Variants in PRICKLE2 observed in about 807,000 individuals in gnomAD.
The protein encoded by PRICKLE2 is prickle planar cell polarity protein 2.
PRICKLE2 carries 21 observed loss-of-function variants against 81.4 expected under a neutral mutation model. The observed-to-expected ratio is 0.26, with a 90% CI of 0.18 to 0.37. The LOEUF is 0.37. Ranked by LOEUF, PRICKLE2 falls within the 10% of genes least tolerant of loss-of-function variation. The pLI, the probability that PRICKLE2 is intolerant of heterozygous loss-of-function variation, is 1.00. For missense variants in PRICKLE2, 940 were observed against 1,109.0 expected, an observed-to-expected ratio of 0.85 and a Z score of 2.16; for synonymous variants, 456 against 421.5, an observed-to-expected ratio of 1.08 and a Z score of -1.00.
intron 1 of PRICKLE2, among the ~76,000 whole-genome samples, chr3:64,216,698 G>A (rs920335634): frequency 3.3e-5 from 5 of 152,200 alleles, no homozygotes; most frequent in Non-Finnish European, 7.3e-5. Flanking sequence ...GCAGGTTCAA[G>A]CTTTCTGATC....
intron 2 of PRICKLE2, among the ~76,000 whole-genome samples, chr3:64,252,302 C>T (rs1166661942): frequency 6.6e-6 from 1 of 152,196 alleles, no homozygotes; most frequent in Non-Finnish European, 1.5e-5. Context: ...TATACCAACT[C>T]TCCTTTCTCC....
At chr3:64,177,974 C>T (rs113200885) in intron 2 of PRICKLE2, among the ~76,000 whole-genome samples, 69 of 152,130 alleles carry the variant, frequency 4.5e-4, no homozygotes, top group Non-Finnish European at 7.3e-5. Context: ...AGAGAAACTG[C>T]CAAACAGTGC....
At chr3:64,106,572 C>A (rs556618540) in intron 7 of PRICKLE2, among the ~76,000 whole-genome samples, 1 of 152,198 alleles carries the variant, frequency 6.6e-6, no homozygotes, top group Non-Finnish European at 1.5e-5. Context: ...TCTGTGCCTC[C>A]AAACCGTGGC....
chr3:64,260,649 T>A lies in PRICKLE2; in HGVS notation c.129-61682A>T, dbSNP rs143383495. 9.9e-3 allele frequency among the ~76,000 whole-genome samples: 1,513 copies of A among 152,328 alleles called. 13 individuals are homozygous for A. The highest frequency in any genetic ancestry group is 0.015 in the Non-Finnish European group (1,033 of 68,020). ...CTCTCCTCTCGTCCGGGGAAGGACA[T>A]CCTCTTCCCTGCCAATATCTGTTGA... On this transcript the variant is annotated intron_variant, in intron 2 of 8. Coordinates refer to the PRICKLE2 transcript ENST00000295902.
intron 2 of PRICKLE2, chr3:64,163,992 A>G (rs145321484): frequency 1.3e-5 from 2 of 152,084 alleles, no homozygotes; most frequent in African/African-American, 2.4e-5. Context: ...ACTCTCAAGT[A>G]TCTCTTATTT....
At chr3:64,118,871 T>C (rs1345150999) in intron 7 of PRICKLE2, among the ~76,000 whole-genome samples, 1 of 152,026 alleles carries the variant, frequency 6.6e-6, no homozygotes, top group South Asian at 2.1e-4. Context: ...CAAATAAATA[T>C]TATATCCAAA....
At chr3:64,103,077 A>G (rs1464316497) in intron 7 of PRICKLE2, 1 of 152,216 alleles carries the variant, frequency 6.6e-6, no homozygotes, top group Non-Finnish European at 1.5e-5. Context: ...CTATTTTTAT[A>G]ACTTTTTTTA....
chr3:64,171,948 G>C (rs186223959), intron 2 of PRICKLE2, among the ~76,000 whole-genome samples: 1 of 152,244 alleles, frequency 6.6e-6, no homozygotes, highest in East Asian at 1.9e-4. Context: ...AACTTCGTTT[G>C]AACAAACTAA....
intron 1 of PRICKLE2, among the ~76,000 whole-genome samples, chr3:64,202,120 G>C (rs899329143): frequency 6.6e-6 from 1 of 152,184 alleles, no homozygotes; most frequent in African/African-American, 2.4e-5. Context: ...GTACCACACT[G>C]TCTGGATGAC....
chr3:64,238,124 G>A (rs1237887637), intron 2 of PRICKLE2, among the ~76,000 whole-genome samples: 2 of 152,348 alleles, frequency 1.3e-5, no homozygotes, highest in East Asian at 3.9e-4. Flanking sequence ...GCAGGTATCA[G>A]AACCTGAAAC....
At chr3:64,180,098 T>C (rs1040854422) in intron 2 of PRICKLE2, among the ~76,000 whole-genome samples, 8 of 152,196 alleles carry the variant, frequency 5.3e-5, no homozygotes, top group African/African-American at 1.4e-4. Context: ...AACTGCATTA[T>C]TGAGTAATGT....
chr3:64,192,705 C>T (rs1042921112), intron 2 of PRICKLE2, among the ~76,000 whole-genome samples: 48 of 152,184 alleles, frequency 3.2e-4, no homozygotes, highest in African/African-American at 1.1e-3. Context: ...AAAAACTAGG[C>T]AGTCACACTT....
intron 2 of PRICKLE2, among the ~76,000 whole-genome samples, chr3:64,246,172 G>A (rs1246062933): frequency 2.0e-5 from 3 of 152,118 alleles, no homozygotes; most frequent in African/African-American, 7.2e-5. Flanking sequence ...AACCTGGGAG[G>A]CAGAGGTTGC....
At chr3:64,267,411 A>G (rs1179352133) in intron 2 of PRICKLE2, among the ~76,000 whole-genome samples, 1 of 151,114 alleles carries the variant, frequency 6.6e-6, no homozygotes, top group Non-Finnish European at 1.5e-5. Flanking sequence ...TTTCGGGGAT[A>G]TAAGCTCAAA....
chr3:64,242,409 T>G (rs1417739504), intron 2 of PRICKLE2, among the ~76,000 whole-genome samples: 1 of 152,180 alleles, frequency 6.6e-6, no homozygotes, highest in Non-Finnish European at 1.5e-5. Context: ...TTTCTTCAAC[T>G]TATACCCTCT....
chr3:64,239,318 G>A (rs1397184179), intron 2 of PRICKLE2, among the ~76,000 whole-genome samples: 4 of 152,146 alleles, frequency 2.6e-5, no homozygotes, highest in Non-Finnish European at 5.9e-5. Flanking sequence ...GGGCTGTTAG[G>A]AGCGTGGCCA....
At chr3:64,150,624 G>A (rs11716382) in intron 6 of PRICKLE2, among the ~76,000 whole-genome samples, 19,956 of 152,112 alleles carry the variant, frequency 0.13, 1,618 homozygotes, top group Middle Eastern at 0.2. Context: ...GTCCTTTGGT[G>A]AGCTCTAATC....
intron 7 of PRICKLE2, among the ~76,000 whole-genome samples, chr3:64,139,597 A>G (rs2077329322): frequency 6.6e-6 from 1 of 152,214 alleles, no homozygotes. Flanking sequence ...CCATCTTTTC[A>G]AAATGCAAAT....
In PRICKLE2 at chr3:64,094,748, T is replaced by G. The variant is rs891842495; in HGVS notation, c.*4303A>C. On this transcript the variant is annotated 3_prime_UTR_variant, in exon 8 of 8. Transcript: ENST00000638394. ...CTGAGGCACCAGAGGGACAAACCAC[T>G]GGAGACAAGGCAAAGGCCATTTCTA... The G allele has an allele frequency of 2.0e-5, 3 of 152,656 alleles. No individual in the cohort carries two copies. The highest frequency in any genetic ancestry group is 4.4e-5 in the Non-Finnish European group (3 of 68,038). 9.5% of individuals were successfully genotyped at this position (152,656 alleles called of 1,614,324 possible).
Sources: gnomAD v4.1 joint callset for allele counts (sites outside exome capture counted in the v4.1 genomes callset) on GRCh38, gnomAD v4.1.1 for gene constraint, MANE v1.5 for transcripts, NCBI Gene and HGNC (gene_info 2026-07-23, HGNC 2026-07-21) for gene names.